PRDM6: variants seen among roughly 807,000 people sequenced by gnomAD.
PRDM6 encodes the protein putative histone-lysine N-methyltransferase PRDM6.
A neutral mutation model predicts 60.8 loss-of-function variants in PRDM6; 25 were observed. The observed-to-expected ratio is 0.41, with a 90% CI of 0.30 to 0.57. The LOEUF is 0.57. Ranked by LOEUF, PRDM6 falls within the 20% of genes least tolerant of loss-of-function variation. The pLI, the probability that PRDM6 is intolerant of heterozygous loss-of-function variation, is 0.27. For synonymous variants in PRDM6, 407 were observed against 357.4 expected, an observed-to-expected ratio of 1.14 and a Z score of -1.57; for missense variants, 839 against 821.3, an observed-to-expected ratio of 1.02 and a Z score of -0.26.
chr5:123,165,776 C>T (rs1461706431), intron 5 of PRDM6, among the ~76,000 whole-genome samples: 1 of 152,172 alleles, frequency 6.6e-6, no homozygotes, highest in Non-Finnish European at 1.5e-5. Flanking sequence ...GTATATGTAG[C>T]ACACTATATA....
In PRDM6 at chr5:123,099,551, G is replaced by T; in HGVS notation, c.593-103G>T. On this transcript the variant is annotated intron_variant, in intron 2 of 7. Coordinates refer to ENST00000407847, the MANE Select transcript of PRDM6 (RefSeq NM_001136239.4). This position sits in a 1 kb window ranked among gnomAD's most constrained non-coding sequence, Gnocchi z 4.0. ...CCTTCCTCGAAGGTGGCTTACCCAG[G>T]CGGGCGGTGATGCTGTTGTCTCGGG... is the stretch of plus-strand genomic sequence containing the variant. 1 of 1,105,064 alleles carries T rather than the reference G, an allele frequency of 9.0e-7. No individual in the cohort carries two copies. 68.5% of individuals were successfully genotyped at this position (1,105,064 alleles called of 1,614,324 possible). A position where few individuals can be genotyped will look rare whatever the true frequency, so the allele number is the denominator to read the frequency against.
chr5:123,171,374 G>A (rs551112034), intron 6 of PRDM6, among the ~76,000 whole-genome samples: 11 of 152,282 alleles, frequency 7.2e-5, no homozygotes, highest in South Asian at 2.1e-4. Context: ...TAGAAGGAAC[G>A]TTTATGAATA....
rs117934297 is a variant in PRDM6, at chr5:123,110,170, A to G, written c.900+10209A>G. ...GACACTCTGCAGTTAGAAATTTTAG[A>G]TGAAAAAATAAACATAATTGCCAAA... On this transcript the variant is annotated intron_variant, in intron 3 of 7. Coordinates refer to ENST00000407847, the MANE Select transcript of PRDM6 (RefSeq NM_001136239.4). Among the ~76,000 whole-genome samples, 915 of 152,328 alleles carry G rather than the reference A, an allele frequency of 6.0e-3. 10 individuals are homozygous for G. The highest frequency in any genetic ancestry group is 0.021 in the African/African-American group (871 of 41,574).
chr5:123,169,695 T>A (rs1408459390), intron 5 of PRDM6, among the ~76,000 whole-genome samples: 1 of 152,196 alleles, frequency 6.6e-6, no homozygotes, highest in Non-Finnish European at 1.5e-5. Flanking sequence ...ATTTAGATGT[T>A]CCATACTTGC....
intron 3 of PRDM6, among the ~76,000 whole-genome samples, chr5:123,109,117 G>C (rs1373374336): frequency 6.6e-6 from 1 of 151,924 alleles, no homozygotes. Context: ...GCGTTTCTGG[G>C]GTCTATGAGG....
chr5:123,156,016 A>G lies in PRDM6; in HGVS notation c.1028+5A>G, dbSNP rs757245729. ...TCTAACAGTAGTTCAGTACAGGTAA[A>G]GTATATCTTGATTTACCACCTACAG... On this transcript the variant is annotated splice_donor_5th_base_variant and intron_variant, in intron 4 of 7. Transcript: ENST00000407847. The G allele has an allele frequency of 3.7e-5, 57 of 1,548,868 alleles. No homozygotes were observed. The highest frequency in any genetic ancestry group is 6.9e-5 in the African/African-American group (5 of 72,936).
At chr5:123,161,763 C>A (rs963946342) in intron 5 of PRDM6, among the ~76,000 whole-genome samples, 2 of 152,168 alleles carry the variant, frequency 1.3e-5, no homozygotes, top group African/African-American at 2.4e-5. Flanking sequence ...AGGACCCTGG[C>A]TCTAACTCTG....
chr5:123,178,477 C>G (rs1009325033), intron 6 of PRDM6, among the ~76,000 whole-genome samples: 1 of 152,122 alleles, frequency 6.6e-6, no homozygotes, highest in South Asian at 2.1e-4. Context: ...ACATTTTCAT[C>G]TACATATAAT....
At chr5:123,115,469 C>T (rs1054657815) in intron 3 of PRDM6, among the ~76,000 whole-genome samples, 1 of 152,174 alleles carries the variant, frequency 6.6e-6, no homozygotes, top group Non-Finnish European at 1.5e-5. Context: ...CACGTTCACA[C>T]GCACACACTG....
rs1197167625 is a variant in PRDM6, at chr5:123,180,284, A to G, written c.1634A>G (p.Asn545Ser). 4 of 1,551,672 alleles carry G rather than the reference A, an allele frequency of 2.6e-6. No homozygotes were observed. The East Asian group carries it at 7.3e-5, about 28-fold the overall frequency. Residue 545 changes from asparagine (N) to serine (S), a missense_variant, in exon 7 of 8, where the codon AAC becomes AGC. Asn to Ser is a conservative substitution (Grantham distance 46). Around this residue, in one of 2 missense-constraint regions of PRDM6, gnomAD observed 109 missense variants for 172.6 expected, o/e 0.63. Coordinates refer to ENST00000407847, the MANE Select transcript of PRDM6 (RefSeq NM_001136239.4). ...GCCTTTGCCGGGGCCACCACCCTCAACAACCACATCCGAACCCACACTGGA... is the reference window on the plus strand; with the variant it reads ...GCCTTTGCCGGGGCCACCACCCTCAGCAACCACATCCGAACCCACACTGGA... ...GRAFAGATTL[N>S]NHIRTHTGEK...
chr5:123,131,782 GAAC>G (rs1764839755), intron 3 of PRDM6, among the ~76,000 whole-genome samples: 2 of 152,268 alleles, frequency 1.3e-5, no homozygotes, highest in African/African-American at 4.8e-5. Context: ...TTTTCTGAAT[GAAC>G]AATGATGATA....
chr5:123,159,234 A>G (rs1765573337), intron 4 of PRDM6, among the ~76,000 whole-genome samples: 1 of 152,184 alleles, frequency 6.6e-6, no homozygotes, highest in Admixed American at 6.5e-5. Flanking sequence ...AATTTTTTTA[A>G]AATTAATTCT....
intron 3 of PRDM6, among the ~76,000 whole-genome samples, chr5:123,117,891 G>A (rs335181): frequency 1.5e-4 from 23 of 152,274 alleles, no homozygotes; most frequent in Middle Eastern, 3.4e-3. Flanking sequence ...AATGTGATAG[G>A]GGTGAGCCAT....
chr5:123,105,094 A>C (rs1431962240), intron 3 of PRDM6, among the ~76,000 whole-genome samples: 1 of 152,234 alleles, frequency 6.6e-6, no homozygotes, highest in Non-Finnish European at 1.5e-5. Context: ...AAGACTGATG[A>C]GTTCTGTATC....
intron 3 of PRDM6, among the ~76,000 whole-genome samples, chr5:123,127,219 G>A (rs1238068822): frequency 2.0e-5 from 3 of 152,082 alleles, no homozygotes; most frequent in Admixed American, 6.5e-5. Flanking sequence ...TGTATGTTTA[G>A]TAGAGACAGG....
At chr5:123,110,786 G>A (rs188314403) in intron 3 of PRDM6, among the ~76,000 whole-genome samples, 2 of 152,032 alleles carry the variant, frequency 1.3e-5, no homozygotes, top group East Asian at 1.9e-4. Context: ...GGATGGTCTC[G>A]AACTCCCGAC....
At chr5:123,098,656 C>T (rs1249649478) in intron 2 of PRDM6, among the ~76,000 whole-genome samples, 2 of 152,220 alleles carry the variant, frequency 1.3e-5, no homozygotes, top group Non-Finnish European at 1.5e-5. Flanking sequence ...TTATCTACAG[C>T]TTCACCCATT....
intron 2 of PRDM6, among the ~76,000 whole-genome samples, chr5:123,091,422 CTCT>C (rs1282349922): frequency 6.6e-6 from 1 of 152,204 alleles, no homozygotes; most frequent in Non-Finnish European, 1.5e-5. Context: ...GCTTACTCCC[CTCT>C]TCCTCCAAGT....
chr5:123,151,857 A>C (rs1561857545), intron 3 of PRDM6, among the ~76,000 whole-genome samples: 1 of 152,128 alleles, frequency 6.6e-6, no homozygotes, highest in Non-Finnish European at 1.5e-5. Flanking sequence ...AGGTGCTCTC[A>C]TCAACCCCTC....
Sources: allele counts gnomAD v4.1 joint callset (sites outside exome capture counted in the v4.1 genomes callset), GRCh38; gene constraint gnomAD v4.1.1; regional missense constraint gnomAD v4.1.1; non-coding constraint Gnocchi (gnomAD v3.1); transcripts MANE v1.5; gene names NCBI Gene and HGNC (gene_info 2026-07-23, HGNC 2026-07-21).